The following ANO2 variants were observed in gnomAD, a reference collection of about 807,000 sequenced individuals.
ANO2 encodes anoctamin-2.
A neutral mutation model predicts 124.2 loss-of-function variants in ANO2; 101 were observed. The ratio of observed to expected loss-of-function variants is 0.81; its 90% CI spans 0.69 to 0.96. The LOEUF is 0.96. Ranked by LOEUF, ANO2 falls within the 40% of genes least tolerant of loss-of-function variation. The probability of loss-of-function intolerance (pLI) is 0.00; values close to 1 mark genes in which losing one functional copy is unlikely to be tolerated. For missense variants in ANO2, 1,293 were observed against 1,274.5 expected (o/e 1.01, Z -0.22); for synonymous variants, 486 against 482.5 (o/e 1.01, Z -0.09).
At chr12:5,640,401 C>T (rs919533499) in intron 15 of ANO2, among the ~76,000 whole-genome samples, 2 of 152,150 alleles carry the variant, frequency 1.3e-5, no homozygotes, top group African/African-American at 2.4e-5. Context: ...TAGGGTAATG[C>T]TAAGTCCTTT....
At chr12:5,823,776 C>A (rs1403512129) in intron 7 of ANO2, among the ~76,000 whole-genome samples, 1 of 152,246 alleles carries the variant, frequency 6.6e-6, no homozygotes, top group Non-Finnish European at 1.5e-5. Context: ...GCACACTGCC[C>A]TAGCAGAGGT....
intron 13 of ANO2, 74 bp from the exon 14 acceptor site, chr12:5,732,704 C>T: frequency 6.5e-7 from 1 of 1,534,268 alleles, no homozygotes; most frequent in Non-Finnish European, 9.0e-7. Flanking sequence ...TAACCAGACA[C>T]ATGTACATTA....
intron 10 of ANO2, among the ~76,000 whole-genome samples, chr12:5,784,843 C>A: frequency 6.6e-6 from 1 of 152,206 alleles, no homozygotes; most frequent in East Asian, 1.9e-4. Context: ...AAAACATCAA[C>A]TGGAAAAATC....
At chr12:5,783,038 T>C (rs1013025603) in intron 10 of ANO2, among the ~76,000 whole-genome samples, 1 of 152,162 alleles carries the variant, frequency 6.6e-6, no homozygotes, top group Non-Finnish European at 1.5e-5. Context: ...GACCCACAGT[T>C]ACCTATAATC....
At chr12:5,785,987 C>T (rs1204535603) in intron 10 of ANO2, among the ~76,000 whole-genome samples, 2 of 148,706 alleles carry the variant, frequency 1.3e-5, no homozygotes, top group East Asian at 4.0e-4. Context: ...GTGATCAAAG[C>T]CAGAGAGGCG....
At chr12:5,684,404 G>A (rs3782624) in intron 14 of ANO2, among the ~76,000 whole-genome samples, 39,409 of 152,150 alleles carry the variant, frequency 0.26, 5,241 homozygotes, top group Middle Eastern at 0.33. Flanking sequence ...ATCATGCAGT[G>A]GGGGAAACAG....
chr12:5,606,053 G>A lies in ANO2; in HGVS notation c.2088-6424C>T, dbSNP rs139348706. Among the ~76,000 whole-genome samples, 536 of 152,218 alleles carry A rather than the reference G, an allele frequency of 3.5e-3. 1 individual carries two copies. The highest frequency in any genetic ancestry group is 0.017 in the Middle Eastern group (5 of 294). On this transcript the variant is annotated intron_variant, in intron 19 of 24. Coordinates refer to ENST00000682330, the MANE Select transcript of ANO2 (RefSeq NM_001364791.2). ...TCACAGAGCTGCCTTTCAAGTGCTC[G>A]GTGACCCCATTTTACTGCCTCCCTT...
At chr12:5,683,727 AAGTCAAAC>A (rs1948594012) in intron 14 of ANO2, among the ~76,000 whole-genome samples, 2 of 152,094 alleles carry the variant, frequency 1.3e-5, no homozygotes, top group African/African-American at 4.8e-5. Context: ...AGTCACCAAA[AAGTCAAAC>A]AGATGATCGG....
rs1429384485 is a variant in ANO2 at position 5,904,757 on chromosome 12, C to T, written c.534+16283G>A. 6.6e-6 allele frequency among the ~76,000 whole-genome samples: 1 copy of T among 152,316 alleles called. No individual in the cohort carries two copies. The highest frequency in any genetic ancestry group is 2.4e-5 in the African/African-American group (1 of 41,584). ...CCTGCCTGCTGGCTCCAGACCCATA[C>T]ACCTGTCTCAGGGGCAGTCCTGAGC... On this transcript the variant is annotated intron_variant, in intron 3 of 24. Coordinates refer to ENST00000682330, the MANE Select transcript of ANO2 (RefSeq NM_001364791.2). This position sits in a 1 kb window ranked among gnomAD's most constrained non-coding sequence, Gnocchi z 4.1.
At chr12:5,805,984 A>G in intron 9 of ANO2, 68 bp downstream of exon 9, 1 of 1,500,128 alleles carries the variant, frequency 6.7e-7, no homozygotes. Flanking sequence ...AGACACTTCT[A>G]GCCACTTCCA....
intron 7 of ANO2, among the ~76,000 whole-genome samples, chr12:5,819,536 G>A (rs540078688): frequency 1.3e-5 from 2 of 152,130 alleles, no homozygotes; most frequent in Non-Finnish European, 1.5e-5. Context: ...TTAAAACATG[G>A]CCCACTGTGG....
intron 3 of ANO2, among the ~76,000 whole-genome samples, chr12:5,915,867 A>G (rs1054697276): frequency 4.1e-4 from 63 of 152,196 alleles, no homozygotes; most frequent in African/African-American, 1.4e-3. Flanking sequence ...GGAGGCGACG[A>G]TTCATTCTCG....
chr12:5,919,869 T>G (rs1941596391), intron 3 of ANO2, among the ~76,000 whole-genome samples: 1 of 152,028 alleles, frequency 6.6e-6, no homozygotes, highest in Non-Finnish European at 1.5e-5. Flanking sequence ...AGCTAATTTT[T>G]TGTGTATTTA....
chr12:5,703,869 T>C (rs915686228), intron 14 of ANO2, among the ~76,000 whole-genome samples: 1 of 152,190 alleles, frequency 6.6e-6, no homozygotes, highest in Non-Finnish European at 1.5e-5. Context: ...GACTTTTCTG[T>C]GTATACAAAA....
chr12:5,638,322 G>A (rs55772073), intron 15 of ANO2, among the ~76,000 whole-genome samples: 47,313 of 139,684 alleles, frequency 0.34, 8,846 homozygotes, highest in East Asian at 0.64. Context: ...TGCAAGCTCC[G>A]CCTCCTGGGT....
At chr12:5,845,566 CAAAAAA>C (rs11354500) in intron 4 of ANO2, among the ~76,000 whole-genome samples, 1 of 101,426 alleles carries the variant, frequency 9.9e-6, no homozygotes, top group Non-Finnish European at 2.1e-5. Flanking sequence ...GACTACATCT[CAAAAAA>C]AAAAAAAAAA....
At chr12:5,844,533 A>C (rs1252886126) in intron 4 of ANO2, among the ~76,000 whole-genome samples, 1 of 152,238 alleles carries the variant, frequency 6.6e-6, no homozygotes, top group African/African-American at 2.4e-5. Flanking sequence ...ATACATTCAC[A>C]AATTGTCATT....
chr12:5,852,848 C>CAT (rs1555173621), intron 4 of ANO2, among the ~76,000 whole-genome samples: 2 of 123,880 alleles, frequency 1.6e-5, no homozygotes, highest in South Asian at 3.2e-4. Context: ...TGGAAAGGGA[C>CAT]GTGTGTGTGT....
chr12:5,835,183 G>A (rs1954278824), intron 4 of ANO2, among the ~76,000 whole-genome samples: 1 of 152,178 alleles, frequency 6.6e-6, no homozygotes, highest in Non-Finnish European at 1.5e-5. Context: ...ACAAAAAAGT[G>A]GAAAGTTCAA....
Sources: allele counts gnomAD v4.1 joint callset (sites outside exome capture counted in the v4.1 genomes callset), GRCh38; gene constraint gnomAD v4.1.1; non-coding constraint Gnocchi (gnomAD v3.1); transcripts MANE v1.5; gene names NCBI Gene and HGNC (gene_info 2026-07-23, HGNC 2026-07-21).